TBXAS1: variants seen among roughly 807,000 people sequenced by gnomAD.
TBXAS1 encodes the protein thromboxane A synthase 1.
A neutral mutation model predicts 60.7 loss-of-function variants in TBXAS1; 48 were observed. That is an observed-to-expected ratio of 0.79 (90% CI 0.63 to 1.01). The LOEUF is 1.01. Ranked by LOEUF, TBXAS1 falls within the 50% of genes least tolerant of loss-of-function variation. The pLI is 0.00. For synonymous variants in TBXAS1, 287 were observed against 269.7 expected (o/e 1.06, Z -0.63); for missense variants, 685 against 686.3 (o/e 1.00, Z 0.02).
At chr7:139,904,922 G>A (rs1487204591) in intron 3 of TBXAS1, among the ~76,000 whole-genome samples, 6 of 151,804 alleles carry the variant, frequency 4.0e-5, no homozygotes, top group African/African-American at 7.3e-5. Flanking sequence ...TTAGCGATAC[G>A]GATGCTCTCC....
In TBXAS1 at chr7:139,829,438, G is replaced by A; in HGVS notation, c.48G>A (p.Val16=). The A allele has an allele frequency of 6.2e-7, 1 of 1,614,046 alleles. No homozygotes were observed. The highest frequency in any genetic ancestry group is 8.5e-7 in the Non-Finnish European group (1 of 1,180,004). ...FLKLEVNGPM[V]TVALSVALLA... ...AATTGGAAGTGAATGGCCCCATGGT[G>A]ACGGTGGCCCTGTCAGTGGCTCTCT... is the stretch of plus-strand genomic sequence containing the variant. The change falls in exon 1 of 13, where the codon GTG becomes GTA. Residue 16 remains valine, a synonymous_variant. Transcript: ENST00000448866.
intron 3 of TBXAS1, among the ~76,000 whole-genome samples, chr7:139,879,974 G>A (rs922041649): frequency 3.3e-5 from 5 of 151,968 alleles, no homozygotes; most frequent in African/African-American, 7.3e-5. Flanking sequence ...CTCCACCTCC[G>A]AGGTTCAAGT....
In TBXAS1 at chr7:139,951,328, C is replaced by T. The variant is rs73158676; in HGVS notation, c.451-2040C>T. Among the ~76,000 whole-genome samples, 685 of 151,970 alleles carry T rather than the reference C, an allele frequency of 4.5e-3. 3 individuals carry two copies. Among genetic ancestry groups the T allele is most frequent in the South Asian group, 0.011 (55 of 4,810 alleles). On this transcript the variant is annotated intron_variant, in intron 5 of 12. Transcript: ENST00000448866. ...AGGGTACAGATCTCAGGAAGTGATT[C>T]ATTTACCATACACCAATCCACACCT... is the stretch of plus-strand genomic sequence containing the variant.
At position 139,961,939 on chromosome 7, in the gene TBXAS1, A is replaced by G. The variant is rs1398735329; in HGVS notation, c.840A>G (p.Gln280=). 6.2e-7 allele frequency: 1 copy of G among 1,614,198 alleles called. No individual in the cohort carries two copies. The highest frequency in any genetic ancestry group is 1.1e-5 in the South Asian group (1 of 91,088). Residue 280 remains glutamine (Q), a synonymous_variant, in exon 9 of 13, where the codon CAA becomes CAG. Transcript: ENST00000448866. ...AAEERRRDFL[Q]MVLDARHSAS... ...CTTAGAGGCGGAGAGACTTCCTCCA[A>G]ATGGTCCTGGATGCCCGACATTCTG... is the stretch of plus-strand genomic sequence containing the variant.
chr7:139,806,080 G>A (rs1422647092), intron 4 of TBXAS1, among the ~76,000 whole-genome samples: 17 of 149,816 alleles, frequency 1.1e-4, no homozygotes, highest in Non-Finnish European at 1.6e-4. Context: ...GACTACAGGC[G>A]CCCGCCACCA....
intron 4 of TBXAS1, among the ~76,000 whole-genome samples, chr7:139,920,909 G>T (rs1408822762): frequency 2.6e-5 from 4 of 152,104 alleles, no homozygotes; most frequent in African/African-American, 9.7e-5. Context: ...CTCAATGAAG[G>T]TTCCCAGATC....
intron 4 of TBXAS1, among the ~76,000 whole-genome samples, chr7:139,935,698 T>A (rs1315704141): frequency 6.6e-6 from 1 of 151,818 alleles, no homozygotes. Context: ...CCTTTCCTTT[T>A]TCCCCCTTCC....
At chr7:139,806,435 G>A (rs563989212) in intron 4 of TBXAS1, among the ~76,000 whole-genome samples, 6 of 150,946 alleles carry the variant, frequency 4.0e-5, no homozygotes, top group Middle Eastern at 3.4e-3. Flanking sequence ...GCTAATTTTT[G>A]TATTTTTAGT....
chr7:139,828,236 G>C (rs1336199984), upstream of TBXAS1, among the ~76,000 whole-genome samples: 1 of 152,110 alleles, frequency 6.6e-6, no homozygotes, highest in African/African-American at 2.4e-5. Flanking sequence ...TTGTCTTTGA[G>C]CTCTGATTTT....
intron 9 of TBXAS1, among the ~76,000 whole-genome samples, chr7:140,000,764 T>C (rs565254560): frequency 2.6e-5 from 4 of 152,194 alleles, no homozygotes; most frequent in Non-Finnish European, 5.9e-5. Flanking sequence ...CCAGCTGAAA[T>C]GAATTTGATA....
chr7:139,957,679 A>T lies in TBXAS1; in HGVS notation c.734A>T (p.Asn245Ile), dbSNP rs55856189. 3 of 1,614,046 alleles carry T rather than the reference A, an allele frequency of 1.9e-6. No individual in the cohort carries two copies. Among genetic ancestry groups the T allele is most frequent in the Non-Finnish European group, 2.5e-6 (3 of 1,180,038 alleles). The change falls in exon 8 of 13, where the codon AAT becomes ATT. Residue 245 changes from asparagine (N) to isoleucine (I), a missense_variant. By Grantham distance (149) the Asn-to-Ile change is moderately radical. Transcript: ENST00000448866. ...GTCCCACTGGCCCGGATTTTGCCCAATAAGAACCGAGACGAACTGAATGGC... is the reference window on the plus strand; with the variant it reads ...GTCCCACTGGCCCGGATTTTGCCCATTAAGAACCGAGACGAACTGAATGGC... ...IMVPLARILP[N>I]KNRDELNGFF...
rs147199730 is a variant in TBXAS1 at position 139,915,092 on chromosome 7, T to C, written c.333+3771T>C. On this transcript the variant is annotated intron_variant, in intron 4 of 12. Transcript: ENST00000448866. ...GTGTTTATAGTTTTCCATCTGGGAATGCATCCACTTATGTGTAGCTTTGTT... is the reference window on the plus strand; with the variant it reads ...GTGTTTATAGTTTTCCATCTGGGAACGCATCCACTTATGTGTAGCTTTGTT... 6.9e-3 allele frequency among the ~76,000 whole-genome samples: 1,055 copies of C among 152,350 alleles called. 15 individuals are homozygous for C. Among genetic ancestry groups the C allele is most frequent in the African/African-American group, 0.025 (1,026 of 41,584 alleles).
intron 1 of TBXAS1, among the ~76,000 whole-genome samples, chr7:139,839,676 CAAAA>C (rs1297739214): frequency 1.1e-5 from 1 of 89,316 alleles, no homozygotes. Flanking sequence ...CTGCTTCTAC[CAAAA>C]AAAAAAAAAA....
intron 9 of TBXAS1, among the ~76,000 whole-genome samples, chr7:139,987,847 G>C (rs1448173274): frequency 2.0e-5 from 3 of 152,086 alleles, no homozygotes; most frequent in African/African-American, 7.2e-5. Flanking sequence ...AAGTAATCTG[G>C]GGGCCCAAAA....
intron 4 of TBXAS1, among the ~76,000 whole-genome samples, chr7:139,824,040 A>G (rs1260723933): frequency 6.6e-6 from 1 of 152,228 alleles, no homozygotes; most frequent in Non-Finnish European, 1.5e-5. Flanking sequence ...GGGAGCCTTC[A>G]GCAGAGAAGG....
chr7:139,978,401 T>C (rs1411393211), intron 9 of TBXAS1, among the ~76,000 whole-genome samples: 1 of 151,378 alleles, frequency 6.6e-6, no homozygotes, highest in African/African-American at 2.4e-5. Context: ...TTCCAGCTAC[T>C]CGGGAGGCTG....
At chr7:139,948,795 C>A (rs944829441) in intron 5 of TBXAS1, among the ~76,000 whole-genome samples, 5 of 152,076 alleles carry the variant, frequency 3.3e-5, no homozygotes, top group African/African-American at 1.2e-4. Context: ...AAAGATTATG[C>A]AAGCCCATCA....
At chr7:139,822,558 C>T (rs548777737) in intron 4 of TBXAS1, among the ~76,000 whole-genome samples, 16 of 152,308 alleles carry the variant, frequency 1.1e-4, no homozygotes, top group South Asian at 4.1e-4. Flanking sequence ...CAAGAGGCCT[C>T]GTGCTCAGCG....
chr7:139,804,543 G>A (rs1042577860), intron 4 of TBXAS1, among the ~76,000 whole-genome samples: 5 of 152,094 alleles, frequency 3.3e-5, no homozygotes, highest in Non-Finnish European at 7.3e-5. Flanking sequence ...GATGTGGGAG[G>A]GGCCAGGGGC....
Sources: gnomAD v4.1 joint callset for allele counts (sites outside exome capture counted in the v4.1 genomes callset) on GRCh38, gnomAD v4.1.1 for gene constraint, MANE v1.5 for transcripts, NCBI Gene and HGNC (gene_info 2026-07-23, HGNC 2026-07-21) for gene names.